CLASP1: variants seen among roughly 807,000 people sequenced by gnomAD.
CLASP1 encodes the protein CLIP-associating protein 1.
A neutral mutation model predicts 192.3 loss-of-function variants in CLASP1; 38 were observed. That is an observed-to-expected ratio of 0.20 (90% CI 0.15 to 0.26). The LOEUF is 0.26. Ranked by LOEUF, CLASP1 falls within the 10% of genes least tolerant of loss-of-function variation. The pLI, the probability that CLASP1 is intolerant of heterozygous loss-of-function variation, is 1.00. For synonymous variants in CLASP1, 691 were observed against 712.8 expected, an observed-to-expected ratio of 0.97 and a Z score of 0.49; for missense variants, 1,433 against 1,932.5, an observed-to-expected ratio of 0.74 and a Z score of 4.85.
rs116368870 is a variant in CLASP1, at chr2:121,528,619, C to T, written c.378+58G>A. The T allele has an allele frequency of 2.2e-5, 28 of 1,282,690 alleles. No individual in the cohort carries two copies. In the African/African-American group the frequency reaches 3.4e-4, roughly 15 times the overall value. 79.5% of individuals were successfully genotyped at this position (1,282,690 alleles called of 1,614,324 possible). A position where few individuals can be genotyped will look rare whatever the true frequency, so the allele number is the denominator to read the frequency against. Reference sequence around the variant, plus strand: ...TTGTGCAAGTACACACACACACCCTCGCACGTGCATGCACGCGCACTGGCC... The same window carrying T: ...TTGTGCAAGTACACACACACACCCTTGCACGTGCATGCACGCGCACTGGCC... On this transcript the variant is annotated intron_variant, in intron 4 of 39. Coordinates refer to ENST00000263710, the Ensembl canonical transcript of CLASP1.
At chr2:121,368,378 C>T (rs1294089896) in intron 34 of CLASP1, among the ~76,000 whole-genome samples, 1 of 152,150 alleles carries the variant, frequency 6.6e-6, no homozygotes, top group African/African-American at 2.4e-5. Flanking sequence ...GCATATCATT[C>T]TTCTTTTAGA....
rs1247359145 is a variant in CLASP1 at position 121,530,905 on chromosome 2, T to TA, written c.196-581dup. ...AACCATCCTTTTCTTGGGGTTGCGC[T>TA]ACTGTCCAATGAGCGCATAGTGAGG... On this transcript the variant is annotated intron_variant, in intron 2 of 39. Coordinates refer to ENST00000263710, the Ensembl canonical transcript of CLASP1. The TA allele has an allele frequency of 1.3e-5, 9 of 697,592 alleles. No individual in the cohort carries two copies. Among genetic ancestry groups the TA allele is most frequent in the Admixed American group, 2.0e-5 (1 of 49,938 alleles). 43.2% of individuals were successfully genotyped at this position (697,592 alleles called of 1,614,324 possible). A position where few individuals can be genotyped will look rare whatever the true frequency, so the allele number is the denominator to read the frequency against.
At chr2:121,423,698 T>C (rs918045304) in intron 22 of CLASP1, among the ~76,000 whole-genome samples, 4 of 152,326 alleles carry the variant, frequency 2.6e-5, no homozygotes, top group East Asian at 3.9e-4. Flanking sequence ...CTGTGACCTT[T>C]TCTATGATTG....
intron 1 of CLASP1, among the ~76,000 whole-genome samples, chr2:121,641,470 G>T (rs1299583151): frequency 6.6e-6 from 1 of 152,184 alleles, no homozygotes; most frequent in Non-Finnish European, 1.5e-5. Context: ...ATCACATTCT[G>T]ATGTGGACAA....
intron 1 of CLASP1, among the ~76,000 whole-genome samples, chr2:121,648,408 G>C (rs1046544530): frequency 6.6e-6 from 1 of 152,084 alleles, no homozygotes; most frequent in Non-Finnish European, 1.5e-5. Context: ...TTCTACGAAT[G>C]GTCAGTATTT....
intron 22 of CLASP1, among the ~76,000 whole-genome samples, chr2:121,422,590 A>G (rs2079685640): frequency 6.6e-6 from 1 of 152,152 alleles, no homozygotes; most frequent in Non-Finnish European, 1.5e-5. Context: ...ACATTTTCCT[A>G]GTCAGATAGC....
chr2:121,644,764 G>A, intron 1 of CLASP1, among the ~76,000 whole-genome samples: 1 of 152,102 alleles, frequency 6.6e-6, no homozygotes, highest in East Asian at 1.9e-4. Flanking sequence ...GCAACATGGT[G>A]AGGCCCTATC....
chr2:121,482,166 C>T (rs754714003), intron 8 of CLASP1, among the ~76,000 whole-genome samples: 38 of 152,072 alleles, frequency 2.5e-4, no homozygotes, highest in Non-Finnish European at 4.9e-4. Context: ...GAATATACAG[C>T]GAGAGAGAAC....
At chr2:121,572,389 A>G (rs1411968924) in intron 2 of CLASP1, among the ~76,000 whole-genome samples, 1 of 152,132 alleles carries the variant, frequency 6.6e-6, no homozygotes, top group East Asian at 1.9e-4. Context: ...GGTTGCACCA[A>G]TGCACTCCAG....
intron 9 of CLASP1, among the ~76,000 whole-genome samples, chr2:121,464,918 C>T (rs1210943517): frequency 6.6e-6 from 1 of 152,120 alleles, no homozygotes; most frequent in Non-Finnish European, 1.5e-5. Context: ...AAGTCCTTGC[C>T]CATGCCTATG....
chr2:121,457,765 GAAC>G lies in CLASP1; in HGVS notation c.1315-11_1315-9del, dbSNP rs762955960. On this transcript the variant is annotated splice_polypyrimidine_tract_variant and intron_variant, in intron 13 of 39. Coordinates refer to ENST00000263710, the Ensembl canonical transcript of CLASP1. ...CCTAGGGATGTGTGTGTGCTGTGAA[GAAC>G]AACAAAAAACAGAGGTCAACACTTG... The G allele has an allele frequency of 1.9e-6, 3 of 1,602,852 alleles. No homozygotes were observed. The highest frequency in any genetic ancestry group is 4.5e-5 in the East Asian group (2 of 44,626).
At chr2:121,464,363 T>C (rs1378959315) in intron 9 of CLASP1, among the ~76,000 whole-genome samples, 1 of 152,106 alleles carries the variant, frequency 6.6e-6, no homozygotes, top group Non-Finnish European at 1.5e-5. Flanking sequence ...ATATACCCAG[T>C]AATGGGATGG....
intron 35 of CLASP1, among the ~76,000 whole-genome samples, chr2:121,367,102 A>T (rs1267889504): frequency 6.6e-6 from 1 of 152,214 alleles, no homozygotes; most frequent in Non-Finnish European, 1.5e-5. Context: ...AGCTCCAGGG[A>T]GACCTGGTTA....
chr2:121,491,254 T>C (rs956887503), intron 8 of CLASP1, among the ~76,000 whole-genome samples: 3 of 152,272 alleles, frequency 2.0e-5, no homozygotes, highest in African/African-American at 4.8e-5. Context: ...ATCTACTTTA[T>C]AGTTTTATTA....
chr2:121,523,958 G>A (rs1382699047), intron 6 of CLASP1, among the ~76,000 whole-genome samples: 3 of 152,230 alleles, frequency 2.0e-5, no homozygotes, highest in Admixed American at 2.0e-4. Flanking sequence ...GCAGTGTGGT[G>A]CACAGCCATG....
intron 34 of CLASP1, among the ~76,000 whole-genome samples, chr2:121,372,364 C>T (rs1007911274): frequency 2.0e-5 from 3 of 152,164 alleles, no homozygotes; most frequent in African/African-American, 7.2e-5. Context: ...AGGATTCTGT[C>T]CTTATCCTTT....
chr2:121,594,549 C>T (rs879299607), intron 2 of CLASP1, among the ~76,000 whole-genome samples: 9 of 151,612 alleles, frequency 5.9e-5, no homozygotes, highest in Admixed American at 2.0e-4. Context: ...CCCGATACCA[C>T]GCCCGGCTAA....
At chr2:121,538,664 T>G (rs990743433) in intron 2 of CLASP1, among the ~76,000 whole-genome samples, 11 of 151,186 alleles carry the variant, frequency 7.3e-5, no homozygotes, top group African/African-American at 2.2e-4. Flanking sequence ...TGGGCACCTG[T>G]AATCCCAGCT....
chr2:121,510,634 C>T (rs1218832729), intron 7 of CLASP1, among the ~76,000 whole-genome samples: 1 of 151,234 alleles, frequency 6.6e-6, no homozygotes, highest in South Asian at 2.1e-4. Context: ...CCCACCTGTA[C>T]AAAAAATACA....
Sources: allele counts gnomAD v4.1 joint callset (sites outside exome capture counted in the v4.1 genomes callset), GRCh38; gene constraint gnomAD v4.1.1; transcripts MANE v1.5; gene names NCBI Gene and HGNC (gene_info 2026-07-23, HGNC 2026-07-21).